SIN3A: variants seen among roughly 807,000 people sequenced by gnomAD.
The protein encoded by SIN3A is paired amphipathic helix protein Sin3a.
In SIN3A, 14 loss-of-function variants were observed where a neutral mutation model predicts 146.1. The ratio of observed to expected loss-of-function variants is 0.10; its 90% CI spans 0.06 to 0.15. The LOEUF (loss-of-function observed/expected upper bound fraction) is 0.15. Among genes scored for constraint, SIN3A ranks in the 10% least tolerant of loss-of-function variants. SIN3A has a pLI of 1.00. For synonymous variants in SIN3A, 572 were observed against 572.0 expected (o/e 1.00, Z 0.00); for missense variants, 1,028 against 1,576.0 (o/e 0.65, Z 5.89).
At chr15:75,448,175 TAAAAA>T (rs59766455) in intron 1 of SIN3A, 4 of 133,932 alleles carry the variant, frequency 3.0e-5, no homozygotes, top group Non-Finnish European at 4.9e-5. Flanking sequence ...AGACTTCGTC[TAAAAA>T]AAAAAAAAAA....
chr15:75,380,025 T>C (rs1426434554), intron 19 of SIN3A, among the ~76,000 whole-genome samples: 1 of 152,238 alleles, frequency 6.6e-6, no homozygotes, highest in African/African-American at 2.4e-5. Context: ...ACAAACTCTA[T>C]AGCTTATGCT....
At chr15:75,420,852 T>G (rs1412251111) in intron 3 of SIN3A, 1 of 152,182 alleles carries the variant, frequency 6.6e-6, no homozygotes, top group Non-Finnish European at 1.5e-5. Flanking sequence ...ATTCAACAAG[T>G]TATTTTATGC....
intron 1 of SIN3A, among the ~76,000 whole-genome samples, chr15:75,445,154 G>C (rs2074282528): frequency 6.6e-6 from 1 of 151,568 alleles, no homozygotes; most frequent in South Asian, 2.1e-4. Context: ...GCCAAGGCAG[G>C]TGGATTGCCT....
At chr15:75,389,034 C>T (rs1263462960) in intron 16 of SIN3A, among the ~76,000 whole-genome samples, 3 of 152,130 alleles carry the variant, frequency 2.0e-5, no homozygotes, top group Non-Finnish European at 4.4e-5. Context: ...GAAGAACACA[C>T]AAAACCAACC....
chr15:75,380,675 G>A lies in SIN3A; in HGVS notation c.3337C>T (p.Pro1113Ser). 3 of 1,614,090 alleles carry A rather than the reference G, an allele frequency of 1.9e-6. No homozygotes were observed. The highest frequency in any genetic ancestry group is 2.2e-5 in the East Asian group (1 of 44,880). Residue 1113 changes from proline to serine, a missense_variant, in exon 19 of 21, where the codon CCT (proline) becomes TCT (serine). Transcript: ENST00000394947. ...ERYMNSDTTSPELREHLAQKP... is the reference protein window; with the variant it reads ...ERYMNSDTTSSELREHLAQKP... ...TGTGCTAGATGTTCACGAAGCTCAG[G>A]CGAGGTAGTATCTGAATTCATGTAT...
chr15:75,413,098 G>A (rs994666889), intron 4 of SIN3A, 53 bp from the exon 5 acceptor site: 5 of 1,515,840 alleles, frequency 3.3e-6, no homozygotes, highest in Admixed American at 2.3e-5. Flanking sequence ...CAAACACCCT[G>A]TTAAGAAAAA....
At chr15:75,442,933 A>AG (rs1491433087) in intron 1 of SIN3A, among the ~76,000 whole-genome samples, 43 of 48,344 alleles carry the variant, frequency 8.9e-4, no homozygotes, top group African/African-American at 4.8e-3. Flanking sequence ...ACTCTGTCTC[A>AG]AAAAAAAAAA....
intron 20 of SIN3A, among the ~76,000 whole-genome samples, chr15:75,373,233 C>A (rs2072786589): frequency 6.6e-6 from 1 of 152,072 alleles, no homozygotes. Flanking sequence ...AAAAAATGAG[C>A]CAGGTGTGGT....
chr15:75,402,484 C>T (rs917849040), intron 9 of SIN3A, among the ~76,000 whole-genome samples: 12 of 151,944 alleles, frequency 7.9e-5, no homozygotes, highest in African/African-American at 2.9e-4. Flanking sequence ...TGCCACTGTA[C>T]TCCAGCCTGG....
intron 1 of SIN3A, among the ~76,000 whole-genome samples, chr15:75,431,062 C>T (rs2074006438): frequency 6.6e-6 from 1 of 152,176 alleles, no homozygotes; most frequent in Admixed American, 6.5e-5. Context: ...AGGCGTGAGC[C>T]ACCGCGCCCG....
At chr15:75,397,220 A>G (rs1455714291) in intron 12 of SIN3A, among the ~76,000 whole-genome samples, 1 of 152,194 alleles carries the variant, frequency 6.6e-6, no homozygotes, top group African/African-American at 2.4e-5. Flanking sequence ...AACGGTCTAC[A>G]ACCAACTGTT....
At chr15:75,415,564 G>A in intron 3 of SIN3A, 1 of 188,546 alleles carries the variant, frequency 5.3e-6, no homozygotes. Flanking sequence ...CCCTAAAAAG[G>A]ATGCAGGCTG....
intron 14 of SIN3A, 74 bp from the exon 15 acceptor site, chr15:75,392,889 C>G (rs914470963): frequency 1.9e-6 from 2 of 1,068,700 alleles, no homozygotes; most frequent in African/African-American, 1.6e-5. Context: ...CCACATCAGC[C>G]ATACATCCCA....
chr15:75,393,168 G>A (rs1197819442), intron 14 of SIN3A, among the ~76,000 whole-genome samples: 3 of 152,210 alleles, frequency 2.0e-5, no homozygotes, highest in Admixed American at 6.5e-5. Context: ...GGCAAAGGTT[G>A]CAGTGAGCCG....
At chr15:75,387,850 T>G (rs568586050) in intron 16 of SIN3A, among the ~76,000 whole-genome samples, 90 of 152,252 alleles carry the variant, frequency 5.9e-4, no homozygotes, top group African/African-American at 2.2e-3. Context: ...TCTGAAAAAG[T>G]ATGACTATGG....
chr15:75,404,434 T>C (rs953285438), intron 9 of SIN3A, among the ~76,000 whole-genome samples: 4 of 152,168 alleles, frequency 2.6e-5, no homozygotes, highest in Non-Finnish European at 2.9e-5. Context: ...CATCTAGATA[T>C]AGTATATATG....
intron 1 of SIN3A, among the ~76,000 whole-genome samples, chr15:75,437,427 A>G (rs966479706): frequency 1.3e-5 from 2 of 152,126 alleles, no homozygotes; most frequent in Non-Finnish European, 2.9e-5. Context: ...TTGGCCTCCC[A>G]AAGTGCTGAG....
chr15:75,382,598 C>T (rs1166706781), intron 17 of SIN3A, among the ~76,000 whole-genome samples: 1 of 152,016 alleles, frequency 6.6e-6, no homozygotes, highest in African/African-American at 2.4e-5. Context: ...ATCAAATAGC[C>T]ATAAAAAAGA....
chr15:75,428,945 CT>C, intron 2 of SIN3A, among the ~76,000 whole-genome samples: 1 of 152,296 alleles, frequency 6.6e-6, no homozygotes, highest in Admixed American at 6.5e-5. Context: ...TCCACTTCCA[CT>C]TAATAAATGG....
Sources: allele counts gnomAD v4.1 joint callset (sites outside exome capture counted in the v4.1 genomes callset), GRCh38; gene constraint gnomAD v4.1.1; transcripts MANE v1.5; gene names NCBI Gene and HGNC (gene_info 2026-07-23, HGNC 2026-07-21).